Variants in EML1 observed in about 807,000 individuals in gnomAD.
EML1 encodes the protein echinoderm microtubule-associated protein-like 1.
A neutral mutation model predicts 110.4 loss-of-function variants in EML1; 27 were observed. That is an observed-to-expected ratio of 0.24 (90% CI 0.18 to 0.34). The LOEUF is 0.34. Among genes scored for constraint, EML1 ranks in the 10% least tolerant of loss-of-function variants. EML1 has a pLI of 1.00. For synonymous variants in EML1, 344 were observed against 385.8 expected (o/e 0.89, Z 1.27); for missense variants, 741 against 1,030.9 (o/e 0.72, Z 3.85).
At chr14:99,812,006 A>G (rs1180979361) in intron 1 of EML1, among the ~76,000 whole-genome samples, 1 of 151,800 alleles carries the variant, frequency 6.6e-6, no homozygotes, top group African/African-American at 2.4e-5. Flanking sequence ...AGGTGGCAGA[A>G]AATTCCTGTG....
chr14:99,824,020 G>T (rs140665581), intron 1 of EML1, among the ~76,000 whole-genome samples: 1 of 152,074 alleles, frequency 6.6e-6, no homozygotes, highest in South Asian at 2.1e-4. Context: ...GCCGTGGCGC[G>T]ATCTCGGTTC....
intron 1 of EML1, 103 bp downstream of exon 1, chr14:99,793,646 C>G: frequency 2.3e-6 from 2 of 874,574 alleles, no homozygotes; most frequent in Non-Finnish European, 2.7e-6. Context: ...CCGGCGGCCG[C>G]GGGCGAGGCC....
intron 1 of EML1, among the ~76,000 whole-genome samples, chr14:99,785,098 C>T (rs1328959726): frequency 2.6e-5 from 4 of 151,894 alleles, no homozygotes; most frequent in African/African-American, 4.8e-5. Context: ...CTTGTTGCCC[C>T]GTCTGGAGTG....
intron 1 of EML1, among the ~76,000 whole-genome samples, chr14:99,805,781 A>T (rs2057961124): frequency 1.3e-5 from 2 of 151,562 alleles, no homozygotes. Flanking sequence ...CAGCCCTAGA[A>T]CCCTTTTTTT....
chr14:99,900,714 C>G (rs1434500210), intron 8 of EML1, among the ~76,000 whole-genome samples: 1 of 152,100 alleles, frequency 6.6e-6, no homozygotes, highest in Non-Finnish European at 1.5e-5. Context: ...CTTGGTAGAC[C>G]TCTCCTTACT....
intron 1 of EML1, among the ~76,000 whole-genome samples, chr14:99,775,218 G>A (rs2057469182): frequency 6.6e-6 from 1 of 152,192 alleles, no homozygotes; most frequent in African/African-American, 2.4e-5. Context: ...CCTAATTACA[G>A]AGCATCCAGG....
intron 2 of EML1, among the ~76,000 whole-genome samples, chr14:99,858,286 G>T (rs1218369293): frequency 6.6e-6 from 1 of 151,644 alleles, no homozygotes; most frequent in African/African-American, 2.4e-5. Flanking sequence ...CCAGATTCAA[G>T]CGATTCTCCT....
chr14:99,793,309 G>C, upstream of EML1: 1 of 893,920 alleles, frequency 1.1e-6, no homozygotes, highest in Non-Finnish European at 1.3e-6. Flanking sequence ...TCGCGCGGCT[G>C]CGGCGGCGGC....
chr14:99,832,400 T>C (rs78012658), intron 1 of EML1, among the ~76,000 whole-genome samples: 426 of 152,336 alleles, frequency 2.8e-3, no homozygotes, highest in African/African-American at 9.7e-3. Context: ...GGGGAAATAC[T>C]TGGGCATGGA....
intron 3 of EML1, among the ~76,000 whole-genome samples, chr14:99,866,199 T>C (rs1402878713): frequency 2.0e-5 from 3 of 152,246 alleles, no homozygotes; most frequent in Non-Finnish European, 2.9e-5. Flanking sequence ...TCCCAGCACT[T>C]TGGGAGGCCA....
chr14:99,939,385 AC>A lies in EML1; in HGVS notation c.2322+60del. On this transcript the variant is annotated intron_variant, in intron 21 of 21. Coordinates refer to ENST00000262233, the MANE Select transcript of EML1 (RefSeq NM_004434.3). The surrounding 1 kb of genome is among the most constrained non-coding windows in gnomAD (Gnocchi z 4.2). ...CCCATGGGGCATGCACGTACACCCG[AC>A]CTGTTTGGAGACTAAGTGGAAATGG... The A allele has an allele frequency of 6.3e-7, 1 of 1,597,808 alleles. No homozygotes were observed. Among genetic ancestry groups the A allele is most frequent in the South Asian group, 1.1e-5 (1 of 89,120 alleles).
intron 1 of EML1, among the ~76,000 whole-genome samples, chr14:99,810,893 C>T (rs1197448074): frequency 6.6e-6 from 1 of 152,184 alleles, no homozygotes; most frequent in Non-Finnish European, 1.5e-5. Context: ...TTGATGTAAT[C>T]ATCCACATAC....
intron 1 of EML1, among the ~76,000 whole-genome samples, chr14:99,848,725 G>T (rs899266648): frequency 6.6e-6 from 1 of 152,160 alleles, no homozygotes. Flanking sequence ...CAGCACTTTG[G>T]GAGGGTGAAG....
At chr14:99,800,525 C>T (rs2057856085) in intron 1 of EML1, among the ~76,000 whole-genome samples, 1 of 152,044 alleles carries the variant, frequency 6.6e-6, no homozygotes, top group Non-Finnish European at 1.5e-5. Flanking sequence ...CCACACCTGG[C>T]TAAATTTTAA....
intron 1 of EML1, among the ~76,000 whole-genome samples, chr14:99,743,669 C>G (rs1417754617): frequency 6.6e-6 from 1 of 152,172 alleles, no homozygotes; most frequent in African/African-American, 2.4e-5. Context: ...ACTCGGCACA[C>G]GAACCTCCAG....
intron 2 of EML1, among the ~76,000 whole-genome samples, chr14:99,860,164 C>T (rs2058978494): frequency 6.6e-6 from 1 of 152,210 alleles, no homozygotes; most frequent in African/African-American, 2.4e-5. Context: ...AATCCTTCCA[C>T]CGGATGCGTT....
chr14:99,790,489 C>T (rs957890033), upstream of EML1, among the ~76,000 whole-genome samples: 4 of 148,214 alleles, frequency 2.7e-5, no homozygotes, highest in African/African-American at 9.8e-5. Context: ...AGGCACACAC[C>T]ACCACACCCG....
intron 1 of EML1, among the ~76,000 whole-genome samples, chr14:99,785,714 C>T (rs1045613930): frequency 6.6e-5 from 10 of 152,210 alleles, no homozygotes; most frequent in African/African-American, 1.7e-4. Flanking sequence ...CCAAACCAAC[C>T]TCGTTCCCTG....
chr14:99,920,617 T>C (rs1383781825), intron 16 of EML1, among the ~76,000 whole-genome samples, 172 bp from the exon 17 acceptor site: 1 of 152,216 alleles, frequency 6.6e-6, no homozygotes, highest in Admixed American at 6.5e-5. Flanking sequence ...TAGAAAATGC[T>C]TATATATAGG....
Sources: allele counts gnomAD v4.1 joint callset (sites outside exome capture counted in the v4.1 genomes callset), GRCh38; gene constraint gnomAD v4.1.1; non-coding constraint Gnocchi (gnomAD v3.1); transcripts MANE v1.5; gene names NCBI Gene and HGNC (gene_info 2026-07-23, HGNC 2026-07-21).